Variants in RGS6 observed in about 807,000 individuals in gnomAD.
RGS6 encodes regulator of G protein signaling 6.
Under a neutral mutation model 78.5 loss-of-function variants are expected in RGS6, and 30 were observed. That is an observed-to-expected ratio of 0.38 (90% CI 0.29 to 0.52). RGS6 has a LOEUF of 0.52. RGS6 is among the 20% of genes least tolerant of loss of function. The pLI, the probability that RGS6 is intolerant of heterozygous loss-of-function variation, is 0.85. For missense variants in RGS6, 495 were observed against 609.7 expected (o/e 0.81, Z 1.98); for synonymous variants, 206 against 206.0 (o/e 1.00, Z 0.00).
At chr14:72,566,612 T>C (rs12886899), downstream of RGS6, 64,005 of 139,190 alleles carry the variant, frequency 0.46, 17,743 homozygotes, top group African/African-American at 0.81. Context: ...CTCCCCACAC[T>C]CCACCCTTCC....
rs548820294 is a variant in RGS6 at position 72,242,194 on chromosome 14, G to T, written c.85-109901G>T. 2.0e-5 allele frequency among the ~76,000 whole-genome samples: 3 copies of T among 152,270 alleles called. No homozygotes were observed. The South Asian group carries it at 6.2e-4, about 32-fold the overall frequency. ...ACCCACCGACTAGCCAGAGATAAGG[G>T]TTTATATACCAACTTAACAAAGGTG... On this transcript the variant is annotated intron_variant, in intron 2 of 17. Coordinates refer to ENST00000553525, the MANE Select transcript of RGS6 (RefSeq NM_001204424.2).
intron 2 of RGS6, among the ~76,000 whole-genome samples, chr14:72,006,015 A>T (rs1287670050): frequency 6.6e-6 from 1 of 152,112 alleles, no homozygotes; most frequent in African/African-American, 2.4e-5. Context: ...AAATGACTCT[A>T]TATTTGTCCT....
Position 71,964,863 on chromosome 14 carries a change from C to G in RGS6, c.72C>G (p.Ile24Met). 3.1e-6 allele frequency: 5 copies of G among 1,613,634 alleles called. No individual in the cohort carries two copies. The highest frequency in any genetic ancestry group is 2.5e-6 in the Non-Finnish European group (3 of 1,179,758). Residue 24 changes from isoleucine to methionine, a missense_variant, in exon 2 of 18, where the codon ATC becomes ATG. Coordinates refer to ENST00000553525, the MANE Select transcript of RGS6 (RefSeq NM_001204424.2). ...CAGAGGAGAGTTCTCCAAACATGAT[C>G]GTTTACTGCAAAGTAAGGCGCCTGG... The part of the protein sequence containing the change: ...ADPEESSPNM[I>M]VYCKIEDIIT...
At chr14:72,573,471 G>A in the RGS6 span, among the ~76,000 whole-genome samples, 1 of 152,130 alleles carries the variant, frequency 6.6e-6, no homozygotes, top group Non-Finnish European at 1.5e-5. Context: ...AAGACCCCAG[G>A]AATCTACATT....
chr14:72,330,798 G>A (rs544872841), intron 2 of RGS6, among the ~76,000 whole-genome samples: 1 of 152,152 alleles, frequency 6.6e-6, no homozygotes, highest in East Asian at 1.9e-4. Context: ...CTGGGATGAG[G>A]GTTCCATCCC....
chr14:72,124,315 C>T (rs1002110080), intron 2 of RGS6, among the ~76,000 whole-genome samples: 93 of 152,266 alleles, frequency 6.1e-4, no homozygotes, highest in African/African-American at 2.2e-3. Flanking sequence ...TTTAACCTGC[C>T]TTGTACAGTT....
intron 2 of RGS6, among the ~76,000 whole-genome samples, chr14:72,121,279 G>T (rs2096045211): frequency 6.6e-6 from 1 of 152,160 alleles, no homozygotes; most frequent in African/African-American, 2.4e-5. Flanking sequence ...CACTTTTCTT[G>T]TACCATGCTT....
At chr14:71,943,478 CTG>C (rs1217286530) in intron 1 of RGS6, among the ~76,000 whole-genome samples, 2 of 152,092 alleles carry the variant, frequency 1.3e-5, no homozygotes, top group East Asian at 3.9e-4. Flanking sequence ...TGAGGCATTG[CTG>C]TGTTAGTCAA....
chr14:72,342,423 G>A (rs148058165), intron 2 of RGS6, among the ~76,000 whole-genome samples: 5 of 152,010 alleles, frequency 3.3e-5, no homozygotes, highest in South Asian at 2.1e-4. Flanking sequence ...AAACTTAGTC[G>A]GGCATGGTGG....
chr14:72,228,949 G>A (rs1323248166), intron 2 of RGS6, among the ~76,000 whole-genome samples: 1 of 152,180 alleles, frequency 6.6e-6, no homozygotes, highest in Non-Finnish European at 1.5e-5. Flanking sequence ...CAGCTACTCG[G>A]GAGGCTGAGG....
At chr14:72,125,816 A>G (rs1264887531) in intron 2 of RGS6, among the ~76,000 whole-genome samples, 1 of 152,182 alleles carries the variant, frequency 6.6e-6, no homozygotes, top group South Asian at 2.1e-4. Flanking sequence ...TCAAAAGTCA[A>G]CCAACAGACA....
intron 3 of RGS6, among the ~76,000 whole-genome samples, chr14:72,402,790 G>GTTTTTTTTT (rs1167831473): frequency 1.0e-3 from 76 of 75,788 alleles, no homozygotes; most frequent in African/African-American, 1.2e-3. Flanking sequence ...TGTTTTTTTG[G>GTTTTTTTTT]TTTTTTTTTT....
chr14:71,974,152 G>C (rs1236578455), intron 2 of RGS6, among the ~76,000 whole-genome samples: 1 of 152,060 alleles, frequency 6.6e-6, no homozygotes, highest in East Asian at 1.9e-4. Flanking sequence ...TTACACTGTG[G>C]AGAACCTGAA....
rs184005071 is a variant in RGS6, at chr14:72,279,471, C to A, written c.85-72624C>A. 4.2e-3 allele frequency among the ~76,000 whole-genome samples: 639 copies of A among 152,248 alleles called. 2 individuals carry two copies. Among genetic ancestry groups the A allele is most frequent in the Non-Finnish European group, 5.8e-3 (397 of 68,012 alleles). On this transcript the variant is annotated intron_variant, in intron 2 of 17. Transcript: ENST00000553525. ...TGGCACTTCTGCCTTCCAGATCCTC[C>A]ATAAGAAGGTCTCTTTGGCCTACTC...
At chr14:72,521,326 A>C (rs1215912651) in intron 15 of RGS6, among the ~76,000 whole-genome samples, 1 of 152,210 alleles carries the variant, frequency 6.6e-6, no homozygotes, top group Non-Finnish European at 1.5e-5. Flanking sequence ...CTGGTTCTTT[A>C]ATTGTTGCAT....
At chr14:71,874,141 A>G in the RGS6 span, among the ~76,000 whole-genome samples, 2 of 152,096 alleles carry the variant, frequency 1.3e-5, no homozygotes, top group African/African-American at 2.4e-5. Context: ...TTTTGGTTCC[A>G]TATGAACTTT....
chr14:72,002,331 A>C (rs1431388090), intron 2 of RGS6, among the ~76,000 whole-genome samples: 1 of 152,304 alleles, frequency 6.6e-6, no homozygotes, highest in Admixed American at 6.5e-5. Flanking sequence ...AGGCAGATTC[A>C]GGGCTAAAGG....
intron 10 of RGS6, among the ~76,000 whole-genome samples, chr14:72,475,003 A>G (rs1310004749): frequency 2.0e-5 from 3 of 149,660 alleles, no homozygotes; most frequent in African/African-American, 7.4e-5. Flanking sequence ...AGGGGCAGCT[A>G]AGCCAGACCT....
chr14:72,040,921 TTAAAATAGTTTC>T (rs1373594227), intron 2 of RGS6, among the ~76,000 whole-genome samples: 1 of 152,208 alleles, frequency 6.6e-6, no homozygotes, highest in East Asian at 1.9e-4. Flanking sequence ...AGGTTCTTTT[TTAAAATAGTTTC>T]TATTTATATT....
Sources: allele counts gnomAD v4.1 joint callset (sites outside exome capture counted in the v4.1 genomes callset), GRCh38; gene constraint gnomAD v4.1.1; transcripts MANE v1.5; gene names NCBI Gene and HGNC (gene_info 2026-07-23, HGNC 2026-07-21).